Variants in AGBL4 observed in about 807,000 individuals in gnomAD.
AGBL4 encodes cytosolic carboxypeptidase 6.
AGBL4 carries 58 observed loss-of-function variants against 66.4 expected under a neutral mutation model. The ratio of observed to expected loss-of-function variants is 0.87; its 90% CI spans 0.71 to 1.09. The LOEUF (loss-of-function observed/expected upper bound fraction) is 1.09, where lower values mean the gene tolerates loss of function less well. Among genes scored for constraint, AGBL4 ranks in the 50% least tolerant of loss-of-function variants. The probability of loss-of-function intolerance (pLI) is 0.00; values close to 1 mark genes in which losing one functional copy is unlikely to be tolerated. For missense variants in AGBL4, 579 were observed against 631.0 expected (o/e 0.92, Z 0.88); for synonymous variants, 234 against 222.9 (o/e 1.05, Z -0.44).
chr1:49,002,253 A>C (rs1445329275), intron 5 of AGBL4, among the ~76,000 whole-genome samples: 1 of 152,182 alleles, frequency 6.6e-6, no homozygotes, highest in Non-Finnish European at 1.5e-5. Context: ...TATTTGATCT[A>C]GATCTTGAAT....
chr1:48,813,561 C>T (rs530031011), intron 6 of AGBL4, among the ~76,000 whole-genome samples: 176 of 152,240 alleles, frequency 1.2e-3, no homozygotes, highest in African/African-American at 4.1e-3. Flanking sequence ...ATGGAAGCCT[C>T]ACGTATTATC....
chr1:49,699,068 T>C (rs977517978), intron 2 of AGBL4, among the ~76,000 whole-genome samples: 2 of 152,126 alleles, frequency 1.3e-5, no homozygotes, highest in African/African-American at 2.4e-5. Flanking sequence ...TAAACACTTC[T>C]GATTTCATTG....
Position 49,570,039 on chromosome 1 carries a change from A to G in AGBL4, c.282+127274T>C, listed in dbSNP as rs550864014. Among the ~76,000 whole-genome samples the G allele has an allele frequency of 5.3e-5, 8 of 152,296 alleles. No individual in the cohort carries two copies. In the East Asian group the frequency reaches 1.5e-3, roughly 29 times the overall value. Reference sequence around the variant, plus strand: ...TGTTATTATGAATAGTGCTGTGATAAGCACACAAGTGCAGGTATCTTTTTG... The same window carrying G: ...TGTTATTATGAATAGTGCTGTGATAGGCACACAAGTGCAGGTATCTTTTTG... On this transcript the variant is annotated intron_variant, in intron 3 of 13. Coordinates refer to ENST00000371839, the MANE Select transcript of AGBL4 (RefSeq NM_032785.4).
chr1:48,706,491 T>C (rs1646882101), intron 6 of AGBL4, among the ~76,000 whole-genome samples: 1 of 151,970 alleles, frequency 6.6e-6, no homozygotes, highest in Non-Finnish European at 1.5e-5. Context: ...TTCTAAAAAA[T>C]ATTATGTCAA....
chr1:49,403,860 A>G (rs1645140225), intron 3 of AGBL4, among the ~76,000 whole-genome samples: 1 of 151,902 alleles, frequency 6.6e-6, no homozygotes, highest in Non-Finnish European at 1.5e-5. Flanking sequence ...TTAAGGGCCA[A>G]CTCCAACAAA....
intron 6 of AGBL4, among the ~76,000 whole-genome samples, chr1:48,723,967 G>A (rs1647190198): frequency 6.6e-6 from 1 of 152,224 alleles, no homozygotes; most frequent in African/African-American, 2.4e-5. Context: ...GCCGAGGAGC[G>A]AGCTAGTCAG....
At chr1:49,278,786 A>G (rs771844459) in intron 3 of AGBL4, among the ~76,000 whole-genome samples, 19 of 152,160 alleles carry the variant, frequency 1.2e-4, no homozygotes, top group Non-Finnish European at 2.4e-4. Flanking sequence ...ACCAGAGGAC[A>G]ATAAAAATAA....
chr1:49,077,575 T>G (rs1644734551), intron 4 of AGBL4, among the ~76,000 whole-genome samples: 1 of 152,192 alleles, frequency 6.6e-6, no homozygotes, highest in African/African-American at 2.4e-5. Flanking sequence ...GGCTTCTTAC[T>G]AACTTGTTAG....
intron 3 of AGBL4, among the ~76,000 whole-genome samples, chr1:49,465,482 C>T (rs150683532): frequency 6.6e-6 from 1 of 151,872 alleles, no homozygotes; most frequent in African/African-American, 2.4e-5. Context: ...AGAATCTGTC[C>T]TCTCCCTATC....
At chr1:49,006,000 C>CAA (rs954918081) in intron 5 of AGBL4, among the ~76,000 whole-genome samples, 1 of 140,472 alleles carries the variant, frequency 7.1e-6, no homozygotes, top group Admixed American at 7.1e-5. Context: ...GACTCCGTCT[C>CAA]AAAAAAAAAA....
At chr1:49,342,327 G>C (rs770151968) in intron 3 of AGBL4, among the ~76,000 whole-genome samples, 14 of 152,134 alleles carry the variant, frequency 9.2e-5, no homozygotes, top group Non-Finnish European at 1.5e-4. Context: ...GTCACAGAGA[G>C]GTGGACACCA....
chr1:49,248,898 G>T (rs753063153), intron 3 of AGBL4, among the ~76,000 whole-genome samples: 6 of 151,762 alleles, frequency 4.0e-5, no homozygotes, highest in Admixed American at 3.9e-4. Flanking sequence ...CAGTAATACG[G>T]TGCTCTATAT....
intron 3 of AGBL4, among the ~76,000 whole-genome samples, chr1:49,458,942 T>G (rs1326362587): frequency 6.6e-6 from 1 of 151,866 alleles, no homozygotes; most frequent in African/African-American, 2.4e-5. Flanking sequence ...CTTTTTGTTT[T>G]GTTGTTGGAT....
intron 4 of AGBL4, among the ~76,000 whole-genome samples, chr1:49,105,155 T>C (rs1645269882): frequency 6.6e-6 from 1 of 152,194 alleles, no homozygotes; most frequent in Admixed American, 6.5e-5. Flanking sequence ...ACTGAATGGC[T>C]TAATGTAAGC....
chr1:49,947,457 A>T (rs1486946926), intron 1 of AGBL4, among the ~76,000 whole-genome samples: 1 of 151,980 alleles, frequency 6.6e-6, no homozygotes, highest in Non-Finnish European at 1.5e-5. Flanking sequence ...CATCATCTTA[A>T]TAGATGCAGC....
chr1:49,372,613 TTCTTTC>T (rs1350328936), intron 3 of AGBL4, among the ~76,000 whole-genome samples: 32 of 22,960 alleles, frequency 1.4e-3, no homozygotes, highest in African/African-American at 4.8e-3. Flanking sequence ...TTCTTTTTCT[TTCTTTC>T]TTTCTTTCTT....
chr1:49,503,378 T>G (rs1648368326), intron 3 of AGBL4, among the ~76,000 whole-genome samples: 1 of 152,196 alleles, frequency 6.6e-6, no homozygotes, highest in Non-Finnish European at 1.5e-5. Context: ...GCTAGGGCAG[T>G]GCAGAAGGGA....
At chr1:49,947,976 ATAAATATATATTTATATATATAAAT>A (rs1655425074) in intron 1 of AGBL4, among the ~76,000 whole-genome samples, 1 of 111,764 alleles carries the variant, frequency 8.9e-6, no homozygotes, top group Non-Finnish European at 1.7e-5. Context: ...ATATATATTT[ATAAATATATATTTATATATATAAAT>A]ATATATAAAT....
chr1:48,724,172 C>CATTT (rs1195402329), intron 6 of AGBL4, among the ~76,000 whole-genome samples: 4 of 152,124 alleles, frequency 2.6e-5, no homozygotes, highest in African/African-American at 9.7e-5. Context: ...CACTGACAAC[C>CATTT]ATTTAGCCCC....
Sources: allele counts gnomAD v4.1 joint callset (sites outside exome capture counted in the v4.1 genomes callset), GRCh38; gene constraint gnomAD v4.1.1; transcripts MANE v1.5; gene names NCBI Gene and HGNC (gene_info 2026-07-23, HGNC 2026-07-21).